CREB5: variants seen among roughly 807,000 people sequenced by gnomAD.
CREB5 encodes the protein cAMP responsive element binding protein 5, also known as cyclic AMP-responsive element-binding protein 5.
A neutral mutation model predicts 57.1 loss-of-function variants in CREB5; 19 were observed. The observed-to-expected ratio is 0.33, with a 90% CI of 0.23 to 0.49. The LOEUF is 0.49. CREB5 is among the 20% of genes least tolerant of loss of function. The probability of loss-of-function intolerance (pLI) is 0.99; values close to 1 mark genes in which losing one functional copy is unlikely to be tolerated. For synonymous variants in CREB5, 238 were observed against 238.3 expected, an observed-to-expected ratio of 1.00 and a Z score of 0.01; for missense variants, 579 against 671.6, an observed-to-expected ratio of 0.86 and a Z score of 1.52.
At chr7:28,333,725 C>A (rs1277044055) in intron 1 of CREB5, among the ~76,000 whole-genome samples, 1 of 152,142 alleles carries the variant, frequency 6.6e-6, no homozygotes, top group East Asian at 1.9e-4. Context: ...ATGGTAGGAT[C>A]TCATTCTTTT....
chr7:28,348,772 A>G (rs529685991), intron 1 of CREB5, among the ~76,000 whole-genome samples: 35 of 152,306 alleles, frequency 2.3e-4, no homozygotes, highest in Admixed American at 9.1e-4. Context: ...GGTACAGAAC[A>G]AAGTGGTGCC....
At chr7:28,678,389 A>AAAAAAT (rs561812937) in intron 5 of CREB5, among the ~76,000 whole-genome samples, 30 of 152,222 alleles carry the variant, frequency 2.0e-4, no homozygotes, top group Admixed American at 5.2e-4. Flanking sequence ...CTCTGCTCAA[A>AAAAAAT]AAAAATAAAA....
chr7:28,595,370 G>T (rs1050017231), intron 5 of CREB5, among the ~76,000 whole-genome samples: 1 of 152,062 alleles, frequency 6.6e-6, no homozygotes, highest in African/African-American at 2.4e-5. Flanking sequence ...TCCCTCCATC[G>T]TTTTTATAGA....
At chr7:28,623,231 C>T (rs946679382) in intron 5 of CREB5, among the ~76,000 whole-genome samples, 8 of 152,304 alleles carry the variant, frequency 5.3e-5, no homozygotes, top group South Asian at 2.1e-4. Context: ...CTTATCACTG[C>T]GTCCAGCCCA....
chr7:28,657,023 G>T lies in CREB5; in HGVS notation c.465-61730G>T, dbSNP rs114633116. On this transcript the variant is annotated intron_variant, in intron 5 of 10. Transcript: ENST00000357727. Reference sequence around the variant, plus strand: ...AAGGAAAAAGAGGGACTTTCTGAGAGAATTTCAAGTGATTAGGTGCATGTA... The same window carrying T: ...AAGGAAAAAGAGGGACTTTCTGAGATAATTTCAAGTGATTAGGTGCATGTA... Among the ~76,000 whole-genome samples the T allele has an allele frequency of 3.8e-3, 574 of 152,202 alleles. 3 individuals carry two copies. The highest frequency in any genetic ancestry group is 0.013 in the African/African-American group (546 of 41,542).
chr7:28,812,831 T>C (rs1315223680), intron 9 of CREB5, among the ~76,000 whole-genome samples: 5 of 152,130 alleles, frequency 3.3e-5, no homozygotes, highest in Non-Finnish European at 7.3e-5. Context: ...AGCCAAATTT[T>C]AAGTAAACAG....
chr7:28,341,443 G>A lies in CREB5; in HGVS notation c.-25+42002G>A, dbSNP rs558749223. 2.0e-5 allele frequency among the ~76,000 whole-genome samples: 3 copies of A among 152,298 alleles called. No homozygotes were observed. In the East Asian group the frequency reaches 5.8e-4, roughly 29 times the overall value. On this transcript the variant is annotated intron_variant, in intron 1 of 9. Transcript: ENST00000396299. Reference sequence around the variant, plus strand: ...ATTTTTGTCTATGTTAGGGATTGTAGTGTTGACTAGTGCAAGGCAAGAGAT... The same window carrying A: ...ATTTTTGTCTATGTTAGGGATTGTAATGTTGACTAGTGCAAGGCAAGAGAT...
chr7:28,667,492 GCTTATATC>G (rs1200350319), intron 5 of CREB5, among the ~76,000 whole-genome samples: 1 of 151,746 alleles, frequency 6.6e-6, no homozygotes, highest in Non-Finnish European at 1.5e-5. Flanking sequence ...CGCTTAGCCT[GCTTATATC>G]CTTTTTAAAC....
intron 5 of CREB5, among the ~76,000 whole-genome samples, chr7:28,708,141 A>G (rs1802215990): frequency 6.6e-6 from 1 of 152,184 alleles, no homozygotes; most frequent in South Asian, 2.1e-4. Context: ...TAACCCAGTG[A>G]AGAGTTTGCT....
intron 1 of CREB5, among the ~76,000 whole-genome samples, chr7:28,314,865 C>T (rs12673245): frequency 0.66 from 100,625 of 152,048 alleles, 34,178 homozygotes; most frequent in East Asian, 0.95. Flanking sequence ...CAACTGCTGC[C>T]AATGGGCACA....
intron 5 of CREB5, among the ~76,000 whole-genome samples, chr7:28,685,555 G>A (rs185758213): frequency 6.6e-6 from 1 of 152,186 alleles, no homozygotes; most frequent in East Asian, 1.9e-4. Context: ...GCTGCTAACT[G>A]AGGTTAGTTT....
In CREB5 at chr7:28,818,060, A is replaced by G. The variant is rs1186777822; in HGVS notation, c.1255-11A>G. On this transcript the variant is annotated splice_polypyrimidine_tract_variant and intron_variant, in intron 9 of 10. Coordinates refer to ENST00000357727, the MANE Select transcript of CREB5 (RefSeq NM_182898.4). ...TCTTCTCAACATGGTTTTAATACAT[A>G]TCTCTTTTAGAATGAAGTGTCTATG... 3.1e-6 allele frequency: 5 copies of G among 1,607,412 alleles called. No homozygotes were observed. Among genetic ancestry groups the G allele is most frequent in the Non-Finnish European group, 3.4e-6 (4 of 1,175,178 alleles).
intron 5 of CREB5, among the ~76,000 whole-genome samples, chr7:28,580,558 G>GGTGTGTGTGT (rs371277784): frequency 0.071 from 8,844 of 124,108 alleles, 297 homozygotes; most frequent in Non-Finnish European, 0.084. Context: ...TTGGCAAATT[G>GGTGTGTGTGT]GTGTGTGTGT....
intron 1 of CREB5, among the ~76,000 whole-genome samples, chr7:28,346,694 C>CA (rs1192490444): frequency 1.3e-5 from 2 of 152,148 alleles, no homozygotes; most frequent in Non-Finnish European, 2.9e-5. Flanking sequence ...GACTTTGGGC[C>CA]AGACACTTTT....
At chr7:28,643,148 GTAGGTGTT>G (rs1357878217) in intron 5 of CREB5, among the ~76,000 whole-genome samples, 5 of 152,090 alleles carry the variant, frequency 3.3e-5, no homozygotes, top group Non-Finnish European at 7.4e-5. Flanking sequence ...CATTGAACTT[GTAGGTGTT>G]AGGAATTTTT....
intron 5 of CREB5, among the ~76,000 whole-genome samples, chr7:28,717,215 C>A (rs886884540): frequency 6.6e-6 from 1 of 151,528 alleles, no homozygotes; most frequent in Non-Finnish European, 1.5e-5. Context: ...TGCGCCACCA[C>A]GCCCAGCTAA....
At chr7:28,759,870 G>C (rs1805547316) in intron 7 of CREB5, among the ~76,000 whole-genome samples, 2 of 152,144 alleles carry the variant, frequency 1.3e-5, no homozygotes, top group South Asian at 4.1e-4. Context: ...GGTATGCCGT[G>C]GTTGTTTATT....
intron 1 of CREB5, among the ~76,000 whole-genome samples, chr7:28,464,403 T>C (rs901271201): frequency 1.3e-5 from 2 of 151,886 alleles, no homozygotes; most frequent in African/African-American, 2.4e-5. Flanking sequence ...TTTGGAAAAA[T>C]TTTCGAACTA....
At chr7:28,371,867 C>T (rs570117363) in intron 1 of CREB5, among the ~76,000 whole-genome samples, 46 of 152,272 alleles carry the variant, frequency 3.0e-4, no homozygotes, top group Admixed American at 6.5e-4. Context: ...GTAGACACCA[C>T]GCTCCCAATC....
Sources: allele counts gnomAD v4.1 joint callset (sites outside exome capture counted in the v4.1 genomes callset), GRCh38; gene constraint gnomAD v4.1.1; transcripts MANE v1.5; gene names NCBI Gene and HGNC (gene_info 2026-07-23, HGNC 2026-07-21).